Variants in TSPAN6 observed in about 807,000 individuals in gnomAD.
TSPAN6 encodes tetraspanin-6.
In TSPAN6, 13 loss-of-function variants were observed where a neutral mutation model predicts 18.0. The ratio of observed to expected loss-of-function variants is 0.72; its 90% confidence interval spans 0.47 to 1.15. The LOEUF is 1.15. TSPAN6 is among the 50% of genes most tolerant of loss of function. The probability of loss-of-function intolerance (pLI) is 0.00; values close to 1 mark genes in which losing one functional copy is unlikely to be tolerated. For missense variants in TSPAN6, 186 were observed against 183.9 expected (o/e 1.01, Z -0.07); for synonymous variants, 82 against 67.0 (o/e 1.22, Z -1.09).
intron 6 of TSPAN6, among the ~76,000 whole-genome samples, chrX:100,631,676 C>T (rs1299854648): frequency 9.0e-6 from 1 of 110,819 alleles, no homozygotes; most frequent in Non-Finnish European, 1.9e-5. Flanking sequence ...GCAGTTGCAG[C>T]CCAGAAAAGA....
intron 6 of TSPAN6, among the ~76,000 whole-genome samples, chrX:100,631,906 A>G (rs1177638669): frequency 9.0e-6 from 1 of 111,014 alleles, no homozygotes; most frequent in Non-Finnish European, 1.9e-5. Context: ...GTTCTGGGAT[A>G]CATGTGCAGA....
Position 100,635,177 on chromosome X carries a change from C to T in TSPAN6, c.351+1G>A. ...GCTAAGCTTCCCTAATTCAGGCTTA[C>T]CTCATGTCTGAAAACAAATCCTACG... On this transcript the variant is annotated splice_donor_variant, in intron 3 of 7. Coordinates refer to ENST00000373020, the MANE Select transcript of TSPAN6 (RefSeq NM_003270.4). LOFTEE classifies it high-confidence loss of function. The T allele has an allele frequency of 8.4e-7, 1 of 1,190,691 alleles. No homozygotes were observed. The highest frequency in any genetic ancestry group is 1.1e-6 in the Non-Finnish European group (1 of 881,924).
chrX:100,633,300 C>G (rs2083072614), intron 5 of TSPAN6, 105 bp downstream of exon 5: 13 of 835,438 alleles, frequency 1.6e-5, no homozygotes, highest in Non-Finnish European at 2.0e-5. Context: ...GCCTGGGCGA[C>G]AGAGCAAGAC....
intron 7 of TSPAN6, among the ~76,000 whole-genome samples, chrX:100,630,202 CAT>C (rs967223883): frequency 3.6e-5 from 4 of 111,947 alleles, no homozygotes; most frequent in Non-Finnish European, 5.6e-5. Context: ...CATTGAAACA[CAT>C]GTCTTCCCAA....
chrX:100,633,160 A>G (rs1315329531), intron 5 of TSPAN6, among the ~76,000 whole-genome samples: 1 of 111,228 alleles, frequency 9.0e-6, no homozygotes. Flanking sequence ...CTACTAAAAA[A>G]TACAAAAAAT....
rs752868926 is a variant in TSPAN6, at chrX:100,636,644, G to A, written c.51C>T (p.Phe17=). 5.8e-6 allele frequency: 7 copies of A among 1,206,836 alleles called. No homozygotes were observed. The highest frequency in any genetic ancestry group is 5.9e-5 in the East Asian group (2 of 33,626). ...RLQTKPVITC[F]KSVLLIYTFI... Reference sequence around the variant, plus strand: ...AAGTGTAGATTAGCAGAACGCTCTTGAAACAAGTAATGACTGGTTTAGTCT... The same window carrying A: ...AAGTGTAGATTAGCAGAACGCTCTTAAAACAAGTAATGACTGGTTTAGTCT... Residue 17 remains phenylalanine, a synonymous_variant, in exon 1 of 8, where the codon TTC becomes TTT. Transcript: ENST00000373020.
At position 100,636,088 on chromosome X, in the gene TSPAN6, C is replaced by T. The variant is rs182104656; in HGVS notation, c.88-342G>A. 1.1e-3 allele frequency: 729 copies of T among 677,669 alleles called. 15 individuals are homozygous for T. The Admixed American group carries it at 0.047, about 44-fold the overall frequency. 55.8% of individuals were successfully genotyped at this position (677,669 alleles called of 1,213,427 possible). A position where few individuals can be genotyped will look rare whatever the true frequency, so the allele number is the denominator to read the frequency against. On this transcript the variant is annotated intron_variant, in intron 1 of 7. Coordinates refer to ENST00000373020, the MANE Select transcript of TSPAN6 (RefSeq NM_003270.4). ...GTGATTTTATGAGTTCCAGAAACTT[C>T]CCCCGTCCTCTCCAGGTAGGGATGG...
rs1332190182 is a variant in TSPAN6, at chrX:100,635,632, C to CAGT, written c.199_201dup (p.Thr67dup). ...GTGCCCAAAAGAATAATGACGGTAC[C>CAGT]AGTAGCAATGAGCACGAAGGGGACA... On this transcript the variant is annotated inframe_insertion, in exon 2 of 8. Coordinates refer to ENST00000373020, the MANE Select transcript of TSPAN6 (RefSeq NM_003270.4). 1 of 1,201,529 alleles carries CAGT rather than the reference C, an allele frequency of 8.3e-7. No individual in the cohort carries two copies. Among genetic ancestry groups the CAGT allele is most frequent in the African/African-American group, 1.8e-5 (1 of 57,100 alleles).
At chrX:100,636,093 G>C in intron 1 of TSPAN6, 1 of 689,631 alleles carries the variant, frequency 1.5e-6, no homozygotes, top group Non-Finnish European at 1.8e-6. Flanking sequence ...AACTTCCCCC[G>C]TCCTCTCCAG....
chrX:100,635,708 G>A lies in TSPAN6; in HGVS notation c.126C>T (p.Gly42=). ...GVILLAVGIW[G]KVSLENYFSL... is the part of the protein sequence containing the mutation. ...AAAAGTAATTCTCCAGGCTCACCTT[G>A]CCCCAAATGCCAACTGCAAGAAGGA... is the stretch of plus-strand genomic sequence containing the variant. The change falls in exon 2 of 8, where the codon GGC becomes GGT. Residue 42 remains glycine, a synonymous_variant. Coordinates refer to ENST00000373020, the MANE Select transcript of TSPAN6 (RefSeq NM_003270.4). 1.7e-6 allele frequency: 2 copies of A among 1,183,905 alleles called. No individual in the cohort carries two copies. The highest frequency in any genetic ancestry group is 2.3e-6 in the Non-Finnish European group (2 of 880,483).
At chrX:100,636,086 T>G (rs142567691) in intron 1 of TSPAN6, 3 of 679,109 alleles carry the variant, frequency 4.4e-6, no homozygotes, top group South Asian at 7.8e-5. Context: ...TTCCAGAAAC[T>G]TCCCCCGTCC....
At chrX:100,634,412 G>A (rs1204400) in intron 3 of TSPAN6, among the ~76,000 whole-genome samples, 46,228 of 110,568 alleles carry the variant, frequency 0.42, 7,134 homozygotes, top group East Asian at 0.75. Context: ...ACCACTTTAT[G>A]AGAACTCTCA....
At position 100,627,243 on chromosome X, in the gene TSPAN6, A is replaced by C. The variant is rs185032432; in HGVS notation, c.*2783T>G. ...ATACCTAGAGATTTCTGCTTCTCAAAATGTCACCTTGCAGTGAGCAACCTG... is the reference window on the plus strand; with the variant it reads ...ATACCTAGAGATTTCTGCTTCTCAACATGTCACCTTGCAGTGAGCAACCTG... On this transcript the variant is annotated 3_prime_UTR_variant, in exon 8 of 8. Transcript: ENST00000373020. 38 of 112,321 alleles carry C rather than the reference A, an allele frequency of 3.4e-4. No individual in the cohort carries two copies. The highest frequency in any genetic ancestry group is 1.2e-3 in the African/African-American group (38 of 30,971). 9.3% of individuals were successfully genotyped at this position (112,321 alleles called of 1,213,427 possible).
intron 7 of TSPAN6, among the ~76,000 whole-genome samples, chrX:100,630,337 G>A (rs761956354): frequency 3.6e-5 from 4 of 112,105 alleles, no homozygotes; most frequent in African/African-American, 9.7e-5. Context: ...TGAAAACTAC[G>A]AAAAGGACTA....
Sources: allele counts gnomAD v4.1 joint callset (sites outside exome capture counted in the v4.1 genomes callset), GRCh38; gene constraint gnomAD v4.1.1; transcripts MANE v1.5; gene names NCBI Gene and HGNC (gene_info 2026-07-23, HGNC 2026-07-21).